The following YIPF4 variants were observed in gnomAD, a reference collection of about 807,000 sequenced individuals.
YIPF4 encodes protein YIPF4.
A neutral mutation model predicts 29.4 loss-of-function variants in YIPF4; 18 were observed. The observed-to-expected ratio is 0.61, with a 90% CI of 0.42 to 0.91. The LOEUF (loss-of-function observed/expected upper bound fraction) is 0.91, where lower values mean the gene tolerates loss of function less well. Among genes scored for constraint, YIPF4 ranks in the 40% least tolerant of loss-of-function variants. The probability of loss-of-function intolerance (pLI) is 0.00; values close to 1 mark genes in which losing one functional copy is unlikely to be tolerated. For synonymous variants in YIPF4, 115 were observed against 104.7 expected, an observed-to-expected ratio of 1.10 and a Z score of -0.60; for missense variants, 279 against 282.7, an observed-to-expected ratio of 0.99 and a Z score of 0.09.
At chr2:32,290,816 T>C (rs937385291) in intron 2 of YIPF4, 180 bp downstream of exon 2, 3 of 339,762 alleles carry the variant, frequency 8.8e-6, no homozygotes, top group Admixed American at 4.9e-5. Flanking sequence ...TTTTAACCAA[T>C]TAAAAGACAA....
chr2:32,313,280 A>G lies in YIPF4; in HGVS notation c.*7654A>G, dbSNP rs902881577. 1 of 152,176 alleles carries G rather than the reference A, an allele frequency of 6.6e-6. No individual in the cohort carries two copies. The highest frequency in any genetic ancestry group is 6.6e-5 in the Admixed American group (1 of 15,260). The allele number at this position is 152,176 out of a possible 1,614,324, so 9.4% of individuals were successfully genotyped here. On this transcript the variant is annotated 3_prime_UTR_variant, in exon 6 of 6. Transcript: ENST00000238831. The stretch of plus-strand genomic sequence containing the variant: ...CTTGGGGAAAAAAATTTAAAAATAT[A>G]AAAAGAAAACCAGTTTGAAGTTTAG...
At chr2:32,293,754 C>G (rs1334618882) in intron 3 of YIPF4, among the ~76,000 whole-genome samples, 13 of 149,178 alleles carry the variant, frequency 8.7e-5, no homozygotes, top group Non-Finnish European at 1.8e-4. Context: ...GGCGGCTGGC[C>G]GGGCAGAGGG....
intron 4 of YIPF4, 49 bp downstream of exon 4, chr2:32,298,360 G>T: frequency 7.1e-7 from 1 of 1,408,876 alleles, no homozygotes; most frequent in Non-Finnish European, 1.0e-6. Flanking sequence ...GGTGAGCTTA[G>T]TTTTTGATAC....
At chr2:32,291,425 T>A (rs2148961528) in intron 2 of YIPF4, among the ~76,000 whole-genome samples, 1 of 152,236 alleles carries the variant, frequency 6.6e-6, no homozygotes, top group East Asian at 1.9e-4. Context: ...GGGCCTGTAG[T>A]CCCAGCTGCT....
Position 32,305,668 on chromosome 2 carries a change from T to G in YIPF4, c.*42T>G. 1 of 1,426,492 alleles carries G rather than the reference T, an allele frequency of 7.0e-7. No homozygotes were observed. The highest frequency in any genetic ancestry group is 1.8e-5 in the South Asian group (1 of 56,942). 88.4% of individuals were successfully genotyped at this position (1,426,492 alleles called of 1,614,324 possible). ...ATAGAAAAAGATGGTGTTAAATTTG[T>G]GTGTAGGCTGGGAATTCTTGCTGAA... On this transcript the variant is annotated 3_prime_UTR_variant, in exon 6 of 6. Transcript: ENST00000238831.
chr2:32,288,638 C>T (rs563759165), intron 1 of YIPF4, among the ~76,000 whole-genome samples: 14 of 152,058 alleles, frequency 9.2e-5, no homozygotes, highest in Non-Finnish European at 1.6e-4. Flanking sequence ...GGCAAAACCC[C>T]ATCTCTACTA....
At chr2:32,293,626 G>A (rs1316993376) in intron 3 of YIPF4, among the ~76,000 whole-genome samples, 4 of 152,190 alleles carry the variant, frequency 2.6e-5, no homozygotes, top group African/African-American at 9.7e-5. Context: ...AGACGGGGTG[G>A]TGGCCAGGCA....
At chr2:32,300,992 C>T (rs1485707452) in intron 4 of YIPF4, among the ~76,000 whole-genome samples, 1 of 152,196 alleles carries the variant, frequency 6.6e-6, no homozygotes, top group African/African-American at 2.4e-5. Flanking sequence ...GCATTGGTAA[C>T]ATCTAGGTTC....
chr2:32,295,141 GAGA>G (rs1171249911), intron 3 of YIPF4, among the ~76,000 whole-genome samples: 1 of 152,182 alleles, frequency 6.6e-6, no homozygotes, highest in African/African-American at 2.4e-5. Flanking sequence ...AAAGAATGAT[GAGA>G]AGGATTCCAT....
chr2:32,280,537 C>T (rs148904546), intron 1 of YIPF4, among the ~76,000 whole-genome samples: 5,276 of 150,936 alleles, frequency 0.035, 190 homozygotes, highest in African/African-American at 0.092. Context: ...CGGCACCACG[C>T]GCGGCTAATT....
chr2:32,287,873 A>T (rs1173975934), intron 1 of YIPF4, among the ~76,000 whole-genome samples: 2 of 152,098 alleles, frequency 1.3e-5, no homozygotes, highest in African/African-American at 4.8e-5. Flanking sequence ...TATCCTTTAC[A>T]TTGTTTTTAC....
intron 1 of YIPF4, among the ~76,000 whole-genome samples, chr2:32,282,887 T>G (rs371207803): frequency 1.8e-4 from 27 of 151,836 alleles, no homozygotes; most frequent in African/African-American, 5.8e-4. Context: ...CCATCCTGGC[T>G]AACAAGGTGA....
At chr2:32,294,854 T>C (rs1233421147) in intron 3 of YIPF4, among the ~76,000 whole-genome samples, 1 of 152,206 alleles carries the variant, frequency 6.6e-6, no homozygotes, top group African/African-American at 2.4e-5. Context: ...CACTCGTGGT[T>C]AGGAGCTGGA....
rs2031830710 is a variant in YIPF4, at chr2:32,316,262, A to G, written c.*10636A>G. 6.6e-6 allele frequency: 1 copy of G among 152,194 alleles called. No individual in the cohort carries two copies. The highest frequency in any genetic ancestry group is 1.9e-4 in the East Asian group (1 of 5,204). 9.4% of individuals were successfully genotyped at this position (152,194 alleles called of 1,614,324 possible). A position where few individuals can be genotyped will look rare whatever the true frequency, so the allele number is the denominator to read the frequency against. The stretch of plus-strand genomic sequence containing the variant: ...AAATACTTGGACAATCATATCATGT[A>G]TGTAATATTAATATTTATAAATCAA... On this transcript the variant is annotated 3_prime_UTR_variant, in exon 6 of 6. Transcript: ENST00000238831.
intron 3 of YIPF4, among the ~76,000 whole-genome samples, chr2:32,295,778 T>A (rs1219455162): frequency 1.3e-5 from 2 of 152,118 alleles, no homozygotes; most frequent in African/African-American, 4.8e-5. Context: ...TAATTTTGTA[T>A]TTTTAGTAGA....
At chr2:32,292,605 G>A (rs1222201374) in intron 3 of YIPF4, among the ~76,000 whole-genome samples, 1 of 152,066 alleles carries the variant, frequency 6.6e-6, no homozygotes, top group East Asian at 1.9e-4. Context: ...GCTCACGCCT[G>A]TAATCCCAGC....
At chr2:32,286,007 C>T (rs1292145560) in intron 1 of YIPF4, among the ~76,000 whole-genome samples, 2 of 152,016 alleles carry the variant, frequency 1.3e-5, no homozygotes. Context: ...CTTTTATTTC[C>T]TTTTTGAAAA....
In YIPF4 at chr2:32,284,142, TG is replaced by T. The variant is rs553895617; in HGVS notation, c.79+5912del. 1.2e-4 allele frequency among the ~76,000 whole-genome samples: 18 copies of T among 152,338 alleles called. No homozygotes were observed. In the East Asian group the frequency reaches 3.3e-3, roughly 28 times the overall value. ...ATGGATCAGGCACTATTATAAGTAC[TG>T]GGGATATATGTACCAAGACAAATGC... On this transcript the variant is annotated intron_variant, in intron 1 of 5. Coordinates refer to ENST00000238831, the MANE Select transcript of YIPF4 (RefSeq NM_032312.4).
At chr2:32,289,788 A>G (rs1000748862) in intron 1 of YIPF4, among the ~76,000 whole-genome samples, 2 of 151,926 alleles carry the variant, frequency 1.3e-5, no homozygotes, top group Non-Finnish European at 2.9e-5. Context: ...GAGCCGACCT[A>G]AAAAATAAAA....
Sources: gnomAD v4.1 joint callset for allele counts (sites outside exome capture counted in the v4.1 genomes callset) on GRCh38, gnomAD v4.1.1 for gene constraint, MANE v1.5 for transcripts, NCBI Gene and HGNC (gene_info 2026-07-23, HGNC 2026-07-21) for gene names.